FTO: variants seen among roughly 807,000 people sequenced by gnomAD.
FTO encodes FTO alpha-ketoglutarate dependent dioxygenase.
In FTO, 47 loss-of-function variants were observed where a neutral mutation model predicts 63.9. The ratio of observed to expected loss-of-function variants is 0.74; its 90% confidence interval spans 0.58 to 0.94. The LOEUF is 0.94. FTO is among the 40% of genes least tolerant of loss of function. The probability of loss-of-function intolerance (pLI) is 0.00; values close to 1 mark genes in which losing one functional copy is unlikely to be tolerated. For missense variants in FTO, 562 were observed against 618.1 expected (o/e 0.91, Z 0.96); for synonymous variants, 207 against 224.4 (o/e 0.92, Z 0.69).
chr16:54,107,719 A>T (rs117989161), intron 8 of FTO, among the ~76,000 whole-genome samples: 12 of 152,334 alleles, frequency 7.9e-5, no homozygotes, highest in Non-Finnish European at 7.3e-5. Context: ...TAACTCAGAC[A>T]ATAAAGTCTC....
At chr16:53,940,085 T>G (rs2082491444) in intron 8 of FTO, among the ~76,000 whole-genome samples, 1 of 152,216 alleles carries the variant, frequency 6.6e-6, no homozygotes, top group Admixed American at 6.5e-5. Context: ...TTTTCATGTC[T>G]GTTACACCAT....
chr16:54,000,524 T>A (rs1359883826), intron 8 of FTO, among the ~76,000 whole-genome samples: 1 of 152,182 alleles, frequency 6.6e-6, no homozygotes, highest in Admixed American at 6.5e-5. Flanking sequence ...CATTTTGATT[T>A]CTCTGATTAT....
chr16:53,779,829 G>A (rs2077545271), intron 1 of FTO, among the ~76,000 whole-genome samples: 1 of 152,124 alleles, frequency 6.6e-6, no homozygotes, highest in African/African-American at 2.4e-5. Flanking sequence ...GCTCTAGTAG[G>A]TGTTTTAGAC....
chr16:53,729,434 G>T (rs2076221939), intron 1 of FTO, among the ~76,000 whole-genome samples: 1 of 151,796 alleles, frequency 6.6e-6, no homozygotes, highest in South Asian at 2.1e-4. Flanking sequence ...GCAGAGGCAG[G>T]CTTGAACCTG....
chr16:53,743,716 T>C (rs145870601), intron 1 of FTO, among the ~76,000 whole-genome samples: 9 of 151,924 alleles, frequency 5.9e-5, no homozygotes, highest in African/African-American at 2.2e-4. Context: ...CCCTATTCTT[T>C]AATTTAATAA....
At chr16:54,053,690 C>T (rs1402787397) in intron 8 of FTO, among the ~76,000 whole-genome samples, 1 of 152,216 alleles carries the variant, frequency 6.6e-6, no homozygotes, top group East Asian at 1.9e-4. Flanking sequence ...ACACGTGTAA[C>T]TGAGCTATTT....
At chr16:53,937,427 C>A (rs1284180440) in intron 8 of FTO, 1 of 394,220 alleles carries the variant, frequency 2.5e-6, no homozygotes, top group Non-Finnish European at 4.5e-6. Flanking sequence ...CCTTCTTGAC[C>A]TGCGTAGCCC....
At chr16:53,885,233 G>A (rs1397156678) in intron 6 of FTO, among the ~76,000 whole-genome samples, 1 of 152,174 alleles carries the variant, frequency 6.6e-6, no homozygotes, top group Non-Finnish European at 1.5e-5. Context: ...AATCAAGCAG[G>A]TGGAGATTTT....
chr16:53,787,420 A>C (rs181254495), intron 1 of FTO, among the ~76,000 whole-genome samples: 1 of 152,022 alleles, frequency 6.6e-6, no homozygotes, highest in East Asian at 1.9e-4. Flanking sequence ...GATAGAGGTC[A>C]CTTGCTACCA....
intron 1 of FTO, among the ~76,000 whole-genome samples, chr16:53,715,551 A>G (rs984569472): frequency 6.6e-6 from 1 of 152,152 alleles, no homozygotes; most frequent in African/African-American, 2.4e-5. Flanking sequence ...TCGTTGTCTG[A>G]GAAAGTTTAT....
chr16:53,947,533 T>G (rs2082678732), intron 8 of FTO, among the ~76,000 whole-genome samples: 1 of 150,656 alleles, frequency 6.6e-6, no homozygotes, highest in East Asian at 1.9e-4. Context: ...TGGTAATTTC[T>G]ATCTTGCAAA....
intron 8 of FTO, among the ~76,000 whole-genome samples, chr16:53,985,233 C>T (rs1462163476): frequency 2.6e-5 from 4 of 152,190 alleles, no homozygotes; most frequent in African/African-American, 9.7e-5. Context: ...TTGTTCTCAA[C>T]ACACTGTGAA....
At chr16:53,777,002 T>C (rs537828331) in intron 1 of FTO, among the ~76,000 whole-genome samples, 14 of 152,308 alleles carry the variant, frequency 9.2e-5, no homozygotes, top group Non-Finnish European at 7.4e-5. Context: ...CATGTACACA[T>C]TGTGGCATGA....
intron 8 of FTO, among the ~76,000 whole-genome samples, chr16:54,089,720 A>G (rs2086334142): frequency 6.6e-6 from 1 of 152,232 alleles, no homozygotes; most frequent in South Asian, 2.1e-4. Context: ...AAATGAGCGA[A>G]GGATTTCATT....
At chr16:53,735,854 T>G (rs2151523931) in intron 1 of FTO, among the ~76,000 whole-genome samples, 1 of 152,336 alleles carries the variant, frequency 6.6e-6, no homozygotes, top group South Asian at 2.1e-4. Context: ...GGGGTCATCC[T>G]TCCTTTCTGT....
At chr16:54,039,916 A>C (rs1391460324) in intron 8 of FTO, 1 of 152,210 alleles carries the variant, frequency 6.6e-6, no homozygotes, top group Non-Finnish European at 1.5e-5. Context: ...GGCCCTGGCT[A>C]GTCCTCAGTG....
At chr16:54,100,555 A>G (rs2086618108) in intron 8 of FTO, among the ~76,000 whole-genome samples, 2 of 152,048 alleles carry the variant, frequency 1.3e-5, no homozygotes, top group Admixed American at 6.6e-5. Context: ...GGGTTTCACT[A>G]TGTTGCCCAG....
chr16:54,091,333 C>T (rs1300320101), intron 8 of FTO, among the ~76,000 whole-genome samples: 1 of 152,150 alleles, frequency 6.6e-6, no homozygotes, highest in Non-Finnish European at 1.5e-5. Flanking sequence ...TTGCTTGAGG[C>T]CAGGATTCAA....
At chr16:54,084,968 A>C (rs1048525115) in intron 8 of FTO, among the ~76,000 whole-genome samples, 6 of 152,230 alleles carry the variant, frequency 3.9e-5, no homozygotes, top group African/African-American at 1.4e-4. Flanking sequence ...AAGAAAAGTC[A>C]TGTGCCTCTT....
Sources: allele counts gnomAD v4.1 joint callset (sites outside exome capture counted in the v4.1 genomes callset), GRCh38; gene constraint gnomAD v4.1.1; transcripts MANE v1.5; gene names NCBI Gene and HGNC (gene_info 2026-07-23, HGNC 2026-07-21).